The following FGD6 variants were observed in gnomAD, a reference collection of about 807,000 sequenced individuals.
FGD6 encodes FYVE, RhoGEF and PH domain-containing protein 6.
A neutral mutation model predicts 149.4 loss-of-function variants in FGD6; 90 were observed. The ratio of observed to expected loss-of-function variants is 0.60; its 90% CI spans 0.51 to 0.72. FGD6 has a LOEUF of 0.72. FGD6 is among the 30% of genes least tolerant of loss of function. FGD6 has a pLI of 0.00. For missense variants in FGD6, 1,437 were observed against 1,684.8 expected (o/e 0.85, Z 2.57); for synonymous variants, 527 against 584.0 (o/e 0.90, Z 1.41).
chr12:95,178,530 A>C (rs1020024727), intron 2 of FGD6, among the ~76,000 whole-genome samples: 2 of 152,336 alleles, frequency 1.3e-5, no homozygotes, highest in East Asian at 1.9e-4. Context: ...TAATAGCAGA[A>C]ATCCTTCCCC....
chr12:95,084,534 T>C lies in FGD6; in HGVS notation c.4220A>G (p.Tyr1407Cys). The C allele has an allele frequency of 6.2e-7, 1 of 1,600,608 alleles. No homozygotes were observed. Among genetic ancestry groups the C allele is most frequent in the Non-Finnish European group, 8.5e-7 (1 of 1,175,920 alleles). Residue 1407 changes from tyrosine to cysteine, a missense_variant, in exon 20 of 21, where the codon TAT becomes TGT. This residue lies in a region of FGD6 where 382 missense variants were observed against 538.7 expected (regional missense o/e 0.71). Transcript: ENST00000343958. ...ATGAGCATCCTCTGCTTTGAATACATAAAATAACATGTTTTTGTGCAGTAA... is the reference window on the plus strand; with the variant it reads ...ATGAGCATCCTCTGCTTTGAATACACAAAATAACATGTTTTTGTGCAGTAA... ...FQLLHKNMLF[Y>C]VFKAEDAHSA...
chr12:95,150,911 A>G (rs1361458410), intron 5 of FGD6, among the ~76,000 whole-genome samples: 1 of 152,126 alleles, frequency 6.6e-6, no homozygotes, highest in East Asian at 1.9e-4. Flanking sequence ...CCTGGGCAAC[A>G]TGGCTAAAAC....
chr12:95,166,260 C>T lies in FGD6; in HGVS notation c.2586+6340G>A, dbSNP rs562777955. 5.3e-5 allele frequency among the ~76,000 whole-genome samples: 8 copies of T among 152,288 alleles called. No individual in the cohort carries two copies. The East Asian group carries it at 1.5e-3, about 29-fold the overall frequency. On this transcript the variant is annotated intron_variant, in intron 3 of 20. Transcript: ENST00000343958. ...AGTTGCTAGAAAGCCAAATTTGTGG[C>T]CCATCCTCAGCTAATGAATAGGACT...
chr12:95,084,876 A>C (rs934802177), intron 19 of FGD6, among the ~76,000 whole-genome samples: 5 of 152,188 alleles, frequency 3.3e-5, no homozygotes, highest in Non-Finnish European at 7.3e-5. Flanking sequence ...TGGCATGTTC[A>C]CATCTACTGA....
At position 95,120,649 on chromosome 12, in the gene FGD6, T is replaced by A. The variant is rs139720795; in HGVS notation, c.3083-6948A>T. Among the ~76,000 whole-genome samples the A allele has an allele frequency of 2.8e-3, 420 of 152,286 alleles. 2 individuals carry two copies. Among genetic ancestry groups the A allele is most frequent in the African/African-American group, 9.4e-3 (390 of 41,568 alleles). On this transcript the variant is annotated intron_variant, in intron 8 of 20. Coordinates refer to ENST00000343958, the MANE Select transcript of FGD6 (RefSeq NM_018351.4). ...TTGCAGTGAGCCGAGATCGCACCACTGCACTCTAGCCTGGGTGACAGAGTG... is the reference window on the plus strand; with the variant it reads ...TTGCAGTGAGCCGAGATCGCACCACAGCACTCTAGCCTGGGTGACAGAGTG...
At chr12:95,104,409 G>A (rs978659145) in intron 14 of FGD6, among the ~76,000 whole-genome samples, 8 of 151,918 alleles carry the variant, frequency 5.3e-5, no homozygotes, top group African/African-American at 1.9e-4. Flanking sequence ...GATCAGCCTG[G>A]GGAACATATG....
At chr12:95,153,912 C>CGT (rs754945627) in intron 3 of FGD6, among the ~76,000 whole-genome samples, 10,181 of 141,240 alleles carry the variant, frequency 0.072, 391 homozygotes, top group Admixed American at 0.11. Context: ...AAATGAAATT[C>CGT]GTGTGTGTGT....
chr12:95,138,246 A>AACTCACTCACTC lies in FGD6; in HGVS notation c.2838-580_2838-569dup, dbSNP rs767370417. On this transcript the variant is annotated intron_variant, in intron 6 of 20. Transcript: ENST00000343958. Reference sequence around the variant, plus strand: ...TAAATAAATAAATAAATAAATAAATAACTCACTCACTCCTTGGATGGGCAC... The same window carrying AACTCACTCACTC: ...TAAATAAATAAATAAATAAATAAATAACTCACTCACTCACTCACTCACTCCTTGGATGGGCAC... Among the ~76,000 whole-genome samples the AACTCACTCACTC allele has an allele frequency of 2.8e-5, 4 of 143,870 alleles. No homozygotes were observed. In the South Asian group the frequency reaches 8.8e-4, roughly 32 times the overall value. The allele number at this position is 143,870 out of a possible 152,430, so 94.4% of individuals were successfully genotyped here. A position where few individuals can be genotyped will look rare whatever the true frequency, so the allele number is the denominator to read the frequency against.
rs773055699 is a variant in FGD6, at chr12:95,217,271, G to A, written c.-31C>T. 2 of 1,600,908 alleles carry A rather than the reference G, an allele frequency of 1.2e-6. No individual in the cohort carries two copies. Among genetic ancestry groups the A allele is most frequent in the Non-Finnish European group, 1.7e-6 (2 of 1,171,254 alleles). ...CCCGGTGCAGCTCGCTTCCCCGCTC[G>A]GCCCCTCAATCCATCTTCCCCTTTC... is the stretch of plus-strand genomic sequence containing the variant. On this transcript the variant is annotated 5_prime_UTR_variant, in exon 1 of 21. Transcript: ENST00000343958.
At chr12:95,156,143 C>A (rs1317833079) in intron 3 of FGD6, among the ~76,000 whole-genome samples, 1 of 152,124 alleles carries the variant, frequency 6.6e-6, no homozygotes, top group Non-Finnish European at 1.5e-5. Context: ...AATATAAAAT[C>A]TGGGCACCTT....
chr12:95,155,921 G>A (rs1565911004), intron 3 of FGD6, among the ~76,000 whole-genome samples: 1 of 152,212 alleles, frequency 6.6e-6, no homozygotes, highest in Non-Finnish European at 1.5e-5. Flanking sequence ...TCTTATGCCT[G>A]TCTTTACTGC....
chr12:95,214,425 TTCATTATTTTTTTTTCA>T (rs2056742589), intron 1 of FGD6, among the ~76,000 whole-genome samples: 1 of 152,200 alleles, frequency 6.6e-6, no homozygotes. Flanking sequence ...TCCAAAATCC[TTCATTATTTTTTTTTCA>T]TGGCTCTATT....
chr12:95,203,148 G>C (rs2056671782), intron 2 of FGD6, among the ~76,000 whole-genome samples: 1 of 152,086 alleles, frequency 6.6e-6, no homozygotes, highest in Admixed American at 6.5e-5. Flanking sequence ...AGCTCTTCAA[G>C]ACCAGTCTCA....
chr12:95,129,383 C>T (rs769700596), intron 8 of FGD6, among the ~76,000 whole-genome samples: 15 of 151,920 alleles, frequency 9.9e-5, no homozygotes, highest in Non-Finnish European at 2.2e-4. Context: ...TTGCTGCTAC[C>T]GCATGGGGAT....
intron 19 of FGD6, among the ~76,000 whole-genome samples, chr12:95,085,212 C>CA (rs1168259001): frequency 2.2e-5 from 3 of 137,370 alleles, no homozygotes. Context: ...CACAGCTCTG[C>CA]CTTTTTTTTT....
In FGD6 at chr12:95,210,415, C is replaced by T. The variant is rs2056719310; in HGVS notation, c.869G>A (p.Ser290Asn). 6.2e-7 allele frequency: 1 copy of T among 1,613,960 alleles called. No homozygotes were observed. Among genetic ancestry groups the T allele is most frequent in the Admixed American group, 1.7e-5 (1 of 59,964 alleles). Residue 290 changes from serine to asparagine, a missense_variant, in exon 2 of 21, where the codon AGT (serine) becomes AAT (asparagine). Physicochemically the swap from Ser to Asn is conservative, Grantham distance 46. Transcript: ENST00000343958. ...AAGGTCTTTGACTTCTGATTTCTTA[C>T]TAACTCCATCTGAAGATATTAAAGT... ...RSTLISSDGV[S>N]KKSEVKDLGP...
intron 3 of FGD6, among the ~76,000 whole-genome samples, chr12:95,172,041 G>GC (rs1565915249): frequency 1.6e-4 from 22 of 138,260 alleles, no homozygotes; most frequent in African/African-American, 5.9e-4. Flanking sequence ...TCTAAGGGGG[G>GC]GGGGGTTGTT....
At chr12:95,181,021 A>C (rs1030445358) in intron 2 of FGD6, among the ~76,000 whole-genome samples, 1 of 152,108 alleles carries the variant, frequency 6.6e-6, no homozygotes, top group Non-Finnish European at 1.5e-5. Context: ...ATCTCTTTTA[A>C]CTATTGCTTA....
chr12:95,086,088 G>T (rs1877855272), intron 18 of FGD6, among the ~76,000 whole-genome samples, 180 bp from the exon 19 acceptor site: 1 of 152,052 alleles, frequency 6.6e-6, no homozygotes, highest in African/African-American at 2.4e-5. Flanking sequence ...GCACAAAAAA[G>T]AAGACAACCA....
Sources: allele counts gnomAD v4.1 joint callset (sites outside exome capture counted in the v4.1 genomes callset), GRCh38; gene constraint gnomAD v4.1.1; regional missense constraint gnomAD v4.1.1; transcripts MANE v1.5; gene names NCBI Gene and HGNC (gene_info 2026-07-23, HGNC 2026-07-21).